ASTN2: variants seen among roughly 807,000 people sequenced by gnomAD.
ASTN2 encodes the protein astrotactin-2.
A neutral mutation model predicts 139.8 loss-of-function variants in ASTN2; 54 were observed. That is an observed-to-expected ratio of 0.39 (90% confidence interval 0.31 to 0.48). ASTN2 has a LOEUF of 0.48. Ranked by LOEUF, ASTN2 falls within the 20% of genes least tolerant of loss-of-function variation. The probability of loss-of-function intolerance (pLI) is 0.95; values close to 1 mark genes in which losing one functional copy is unlikely to be tolerated. For missense variants in ASTN2, 1,565 were observed against 1,725.1 expected (o/e 0.91, Z 1.64); for synonymous variants, 756 against 719.5 (o/e 1.05, Z -0.81).
chr9:117,337,123 C>A (rs891300182), intron 1 of ASTN2, among the ~76,000 whole-genome samples: 1 of 152,140 alleles, frequency 6.6e-6, no homozygotes, highest in East Asian at 1.9e-4. Context: ...GCAAATCACA[C>A]CTTAGGTGAG....
chr9:116,615,281 C>T (rs868675195), intron 19 of ASTN2, among the ~76,000 whole-genome samples: 32 of 152,190 alleles, frequency 2.1e-4, no homozygotes, highest in Admixed American at 6.6e-4. Context: ...TTGGTGGGAA[C>T]GTAAACTAGT....
chr9:117,370,865 A>G (rs1829972338), intron 1 of ASTN2, among the ~76,000 whole-genome samples: 1 of 152,070 alleles, frequency 6.6e-6, no homozygotes, highest in African/African-American at 2.4e-5. Context: ...ATGAGCCACA[A>G]CTCCTGGCCT....
chr9:117,370,469 T>C (rs16934587), intron 1 of ASTN2, among the ~76,000 whole-genome samples: 1,536 of 152,232 alleles, frequency 0.01, 27 homozygotes, highest in African/African-American at 0.034. Context: ...AAAAATGTCA[T>C]CCATGTTCTA....
intron 5 of ASTN2, among the ~76,000 whole-genome samples, chr9:117,057,871 G>T (rs1328291709): frequency 6.6e-6 from 1 of 152,114 alleles, no homozygotes; most frequent in Non-Finnish European, 1.5e-5. Flanking sequence ...TGTAGTATCA[G>T]GTTCCTCCAA....
intron 10 of ASTN2, among the ~76,000 whole-genome samples, chr9:116,959,769 A>C (rs1435129477): frequency 6.6e-6 from 1 of 152,122 alleles, no homozygotes; most frequent in African/African-American, 2.4e-5. Flanking sequence ...AGAAGACAGA[A>C]AGGAAAACAA....
chr9:116,694,457 C>CTT (rs1860731738), intron 16 of ASTN2, among the ~76,000 whole-genome samples: 1 of 60,386 alleles, frequency 1.7e-5, no homozygotes, highest in Non-Finnish European at 3.0e-5. Flanking sequence ...GTTGTAATTT[C>CTT]TCTTTTTTTT....
chr9:117,073,003 AAG>A (rs1255617978), intron 5 of ASTN2, among the ~76,000 whole-genome samples: 1 of 152,188 alleles, frequency 6.6e-6, no homozygotes, highest in African/African-American at 2.4e-5. Flanking sequence ...ATATCTACAA[AAG>A]AGAAAAGGAG....
intron 1 of ASTN2, among the ~76,000 whole-genome samples, chr9:117,389,243 C>T (rs1830483298): frequency 6.6e-6 from 1 of 152,268 alleles, no homozygotes; most frequent in African/African-American, 2.4e-5. Flanking sequence ...CTTCTTTAAG[C>T]CTATTGACTA....
intron 2 of ASTN2, among the ~76,000 whole-genome samples, chr9:117,228,134 A>G (rs1026889657): frequency 6.6e-6 from 1 of 152,092 alleles, no homozygotes; most frequent in Non-Finnish European, 1.5e-5. Flanking sequence ...TTTCCTCTTT[A>G]TGTAAGGACT....
intron 19 of ASTN2, among the ~76,000 whole-genome samples, chr9:116,563,075 G>C (rs1852999653): frequency 6.6e-6 from 1 of 151,948 alleles, no homozygotes; most frequent in East Asian, 1.9e-4. Flanking sequence ...TAAAGATTAG[G>C]TAAGAATTCT....
intron 6 of ASTN2, among the ~76,000 whole-genome samples, chr9:117,012,938 T>G (rs1316515075): frequency 6.6e-6 from 1 of 152,160 alleles, no homozygotes; most frequent in Non-Finnish European, 1.5e-5. Context: ...AAATATGGCG[T>G]CTGCCTACTG....
At chr9:117,181,173 G>A (rs757699588) in intron 3 of ASTN2, 8 of 692,430 alleles carry the variant, frequency 1.2e-5, no homozygotes, top group Admixed American at 1.1e-4. Context: ...CATGAGGAAA[G>A]GAACCCAGTT....
intron 3 of ASTN2, among the ~76,000 whole-genome samples, chr9:117,146,008 TC>T (rs1184795269): frequency 2.0e-5 from 3 of 152,118 alleles, no homozygotes; most frequent in Admixed American, 6.6e-5. Context: ...GCAAATCCCA[TC>T]CATCTGTTTG....
intron 1 of ASTN2, among the ~76,000 whole-genome samples, chr9:117,351,296 C>A (rs1224917948): frequency 6.6e-6 from 1 of 152,180 alleles, no homozygotes; most frequent in Non-Finnish European, 1.5e-5. Context: ...GCATGGCGCT[C>A]AAGGTCTATT....
intron 19 of ASTN2, among the ~76,000 whole-genome samples, chr9:116,576,849 C>T (rs758959901): frequency 1.1e-4 from 17 of 152,240 alleles, no homozygotes; most frequent in Non-Finnish European, 2.2e-4. Flanking sequence ...CTTTGAAAAC[C>T]ATCAGAAAGC....
chr9:116,857,651 A>G (rs977583894), intron 11 of ASTN2, among the ~76,000 whole-genome samples: 2 of 152,168 alleles, frequency 1.3e-5, no homozygotes, highest in Non-Finnish European at 2.9e-5. Flanking sequence ...GAACTTGAGC[A>G]ATTTCCGTAT....
intron 4 of ASTN2, among the ~76,000 whole-genome samples, chr9:117,124,499 T>C (rs1227271962): frequency 6.6e-6 from 1 of 152,202 alleles, no homozygotes; most frequent in African/African-American, 2.4e-5. Flanking sequence ...ATAATGATCA[T>C]TAATATTGTA....
At chr9:116,627,921 G>A (rs572532885) in intron 17 of ASTN2, among the ~76,000 whole-genome samples, 1 of 152,308 alleles carries the variant, frequency 6.6e-6, no homozygotes, top group African/African-American at 2.4e-5. Flanking sequence ...CTGTGAGCTA[G>A]GTGTAGTTAT....
chr9:116,687,126 G>A, intron 16 of ASTN2: 5 of 1,110,002 alleles, frequency 4.5e-6, no homozygotes, highest in Non-Finnish European at 5.5e-6. Flanking sequence ...CTGCACCAAG[G>A]AGACGGAAAA....
Sources: gnomAD v4.1 joint callset for allele counts (sites outside exome capture counted in the v4.1 genomes callset) on GRCh38, gnomAD v4.1.1 for gene constraint, MANE v1.5 for transcripts, NCBI Gene and HGNC (gene_info 2026-07-23, HGNC 2026-07-21) for gene names.